Variants in WWC2 observed in about 807,000 individuals in gnomAD.
WWC2 encodes the protein WW and C2 domain containing 2, also known as protein WWC2.
A neutral mutation model predicts 138.5 loss-of-function variants in WWC2; 101 were observed. That is an observed-to-expected ratio of 0.73 (90% confidence interval 0.62 to 0.86). The LOEUF (loss-of-function observed/expected upper bound fraction) is 0.86, where lower values mean the gene tolerates loss of function less well. WWC2 is among the 40% of genes least tolerant of loss of function. The pLI, the probability that WWC2 is intolerant of heterozygous loss-of-function variation, is 0.00. For missense variants in WWC2, 1,420 were observed against 1,419.4 expected, an observed-to-expected ratio of 1.00 and a Z score of -0.01; for synonymous variants, 558 against 538.4, an observed-to-expected ratio of 1.04 and a Z score of -0.50.
At chr4:183,302,059 G>A (rs1738859332) in intron 21 of WWC2, among the ~76,000 whole-genome samples, 3 of 152,020 alleles carry the variant, frequency 2.0e-5, no homozygotes, top group Non-Finnish European at 4.4e-5. Context: ...CTCTATCACA[G>A]TTATTTAATT....
At chr4:183,285,938 G>T in intron 19 of WWC2, 29 bp from the exon 20 acceptor site, 3 of 1,544,808 alleles carry the variant, frequency 1.9e-6, no homozygotes, top group South Asian at 1.2e-5. Context: ...GATATGCAGT[G>T]ATTTTTTTTT....
At chr4:183,279,295 T>C (rs1737982678) in intron 16 of WWC2, among the ~76,000 whole-genome samples, 1 of 152,042 alleles carries the variant, frequency 6.6e-6, no homozygotes, top group African/African-American at 2.4e-5. Flanking sequence ...TTTGCGTATA[T>C]TGAACCAGCC....
chr4:183,311,565 C>T (rs912441644), intron 21 of WWC2, among the ~76,000 whole-genome samples: 1 of 148,838 alleles, frequency 6.7e-6, no homozygotes, highest in Non-Finnish European at 1.5e-5. Flanking sequence ...GAGCTATACA[C>T]GTATGTGTGC....
intron 1 of WWC2, among the ~76,000 whole-genome samples, chr4:183,140,071 C>G (rs1364833793): frequency 6.6e-6 from 1 of 152,232 alleles, no homozygotes; most frequent in Non-Finnish European, 1.5e-5. Context: ...CTCTGCCTTA[C>G]AAAGTCCTGG....
At position 183,099,387 on chromosome 4, in the gene WWC2, C is replaced by G; in HGVS notation, c.-105C>G. ...CGCCCTGCGCCCCTCAGCCCCTCGC[C>G]GGCGCCCGCGTCGCGGGTTGGCAGC... On this transcript the variant is annotated 5_prime_UTR_variant, in exon 1 of 23. Transcript: ENST00000403733. 1 of 1,133,890 alleles carries G rather than the reference C, an allele frequency of 8.8e-7. No individual in the cohort carries two copies. The highest frequency in any genetic ancestry group is 1.1e-6 in the Non-Finnish European group (1 of 917,764). The allele number at this position is 1,133,890 out of a possible 1,614,324, so 70.2% of individuals were successfully genotyped here.
intron 14 of WWC2, among the ~76,000 whole-genome samples, chr4:183,268,149 A>G (rs1737567978): frequency 6.6e-6 from 1 of 152,150 alleles, no homozygotes; most frequent in Non-Finnish European, 1.5e-5. Context: ...CAGTTTTTCT[A>G]ACGGAGAAAG....
At chr4:183,195,535 G>C (rs1292501444) in intron 2 of WWC2, among the ~76,000 whole-genome samples, 2 of 151,896 alleles carry the variant, frequency 1.3e-5, no homozygotes, top group African/African-American at 4.8e-5. Flanking sequence ...TCTCCTGTTT[G>C]GTATCTTTAC....
intron 21 of WWC2, among the ~76,000 whole-genome samples, chr4:183,297,577 T>C (rs1738677836): frequency 6.6e-6 from 1 of 151,958 alleles, no homozygotes; most frequent in Non-Finnish European, 1.5e-5. Flanking sequence ...TCCCGGCTAA[T>C]TTTTTTATAT....
At chr4:183,253,724 A>G in intron 8 of WWC2, 33 bp from the exon 9 acceptor site, 1 of 1,591,976 alleles carries the variant, frequency 6.3e-7, no homozygotes, top group Non-Finnish European at 8.5e-7. Flanking sequence ...AGTTTTAAGT[A>G]TGTGCATACC....
chr4:183,272,774 G>A (rs988345838), intron 16 of WWC2, among the ~76,000 whole-genome samples: 1 of 152,190 alleles, frequency 6.6e-6, no homozygotes, highest in East Asian at 1.9e-4. Context: ...CCATGGTGTT[G>A]CAGTATTAAT....
intron 4 of WWC2, among the ~76,000 whole-genome samples, chr4:183,228,152 C>T (rs1044873168): frequency 2.6e-5 from 4 of 151,906 alleles, no homozygotes; most frequent in Admixed American, 1.3e-4. Context: ...AACAGAAAAA[C>T]GCTGGTATAC....
chr4:183,170,033 T>C (rs1417536421), intron 1 of WWC2, among the ~76,000 whole-genome samples: 4 of 152,150 alleles, frequency 2.6e-5, no homozygotes, highest in African/African-American at 9.7e-5. Flanking sequence ...ATTTGGAAAG[T>C]AGGTTTTCAA....
At chr4:183,153,400 G>A (rs111620871) in intron 1 of WWC2, among the ~76,000 whole-genome samples, 3 of 152,102 alleles carry the variant, frequency 2.0e-5, no homozygotes, top group Admixed American at 6.5e-5. Context: ...TGAAGACTGT[G>A]TCACATTCCA....
At chr4:183,108,614 A>T (rs557088703) in intron 1 of WWC2, among the ~76,000 whole-genome samples, 31 of 145,774 alleles carry the variant, frequency 2.1e-4, no homozygotes, top group Admixed American at 1.0e-3. Context: ...TGTAGTTAAA[A>T]TTTTTTTTTT....
intron 1 of WWC2, among the ~76,000 whole-genome samples, chr4:183,130,861 G>T (rs560456463): frequency 1.3e-5 from 2 of 152,234 alleles, no homozygotes; most frequent in South Asian, 4.1e-4. Context: ...CCTGAAAAAA[G>T]ACTCAAAATG....
At chr4:183,311,482 G>T (rs11132175) in intron 21 of WWC2, among the ~76,000 whole-genome samples, 38 of 152,106 alleles carry the variant, frequency 2.5e-4, no homozygotes, top group African/African-American at 8.0e-4. Context: ...GGGGCAGAGC[G>T]GGAAGGGCAG....
intron 1 of WWC2, among the ~76,000 whole-genome samples, chr4:183,101,073 G>A (rs1001008496): frequency 6.6e-6 from 1 of 152,216 alleles, no homozygotes; most frequent in Admixed American, 6.5e-5. Context: ...CGGCTTTTAA[G>A]GCACCTGTAT....
At chr4:183,179,704 C>T (rs1310620506) in intron 1 of WWC2, among the ~76,000 whole-genome samples, 3 of 152,002 alleles carry the variant, frequency 2.0e-5, no homozygotes, top group Non-Finnish European at 4.4e-5. Flanking sequence ...GAAGTTAAAG[C>T]GTTGTTTTTT....
chr4:183,103,869 T>C (rs759519239), intron 1 of WWC2, among the ~76,000 whole-genome samples: 2 of 146,468 alleles, frequency 1.4e-5, no homozygotes, highest in Non-Finnish European at 3.0e-5. Flanking sequence ...CTCCTGACCT[T>C]GTGATGCGCC....
Sources: allele counts gnomAD v4.1 joint callset (sites outside exome capture counted in the v4.1 genomes callset), GRCh38; gene constraint gnomAD v4.1.1; transcripts MANE v1.5; gene names NCBI Gene and HGNC (gene_info 2026-07-23, HGNC 2026-07-21).